Variants in AK9 observed in about 807,000 individuals in gnomAD.
AK9 encodes the protein adenylate kinase 9.
In AK9, 191 loss-of-function variants were observed where a neutral mutation model predicts 239.6. The ratio of observed to expected loss-of-function variants is 0.80; its 90% CI spans 0.71 to 0.90. The LOEUF (loss-of-function observed/expected upper bound fraction) is 0.90. Among genes scored for constraint, AK9 ranks in the 40% least tolerant of loss-of-function variants. AK9 has a pLI of 0.00. For synonymous variants in AK9, 689 were observed against 721.0 expected (o/e 0.96, Z 0.71); for missense variants, 1,995 against 2,214.7 (o/e 0.90, Z 1.99).
At position 109,493,501 on chromosome 6, in the gene AK9, A is replaced by G. The variant is rs900186003; in HGVS notation, c.5604T>C (p.Ser1868=). The G allele has an allele frequency of 6.2e-7, 1 of 1,613,838 alleles. No homozygotes were observed. The highest frequency in any genetic ancestry group is 8.5e-7 in the Non-Finnish European group (1 of 1,179,932). The change falls in exon 41 of 41, where the codon AGT becomes AGC. Residue 1868 remains serine, a synonymous_variant. Transcript: ENST00000424296. The part of the protein sequence containing the change: ...YKKKMEQFME[S]CELITYLGAK... ...CACCCAAGTATGTTATGAGTTCACA[A>G]CTCTCCATAAACTGCTCCATCTTCT... is the stretch of plus-strand genomic sequence containing the variant.
chr6:109,594,464 T>A (rs758313945), intron 17 of AK9, among the ~76,000 whole-genome samples: 1 of 152,180 alleles, frequency 6.6e-6, no homozygotes, highest in Non-Finnish European at 1.5e-5. Context: ...TTCAATGCTA[T>A]CCTCATCAAG....
intron 8 of AK9, among the ~76,000 whole-genome samples, chr6:109,649,735 T>C (rs1203104279): frequency 6.6e-6 from 1 of 152,134 alleles, no homozygotes; most frequent in East Asian, 1.9e-4. Flanking sequence ...AAAAAACTAC[T>C]TTAAAGTTCA....
At chr6:109,637,536 T>C (rs193297321) in intron 10 of AK9, among the ~76,000 whole-genome samples, 1 of 152,144 alleles carries the variant, frequency 6.6e-6, no homozygotes, top group African/African-American at 2.4e-5. Context: ...AAAGTTTTTT[T>C]GTATTTTTCT....
intron 29 of AK9, 192 bp downstream of exon 29, chr6:109,528,819 T>G (rs759807907): frequency 7.5e-5 from 67 of 890,626 alleles, no homozygotes; most frequent in Non-Finnish European, 9.2e-5. Context: ...GTTACAAGAG[T>G]GTCTTAAGCC....
At chr6:109,535,620 T>A (rs1015569129) in intron 27 of AK9, among the ~76,000 whole-genome samples, 1 of 152,226 alleles carries the variant, frequency 6.6e-6, no homozygotes, top group South Asian at 2.1e-4. Flanking sequence ...TTAGATCCCA[T>A]TTGTCAATTT....
chr6:109,619,054 C>T, intron 13 of AK9, 38 bp downstream of exon 13: 1 of 1,513,924 alleles, frequency 6.6e-7, no homozygotes, highest in Non-Finnish European at 8.8e-7. Context: ...TTAATTTTTA[C>T]CTAAACTTAA....
chr6:109,616,365 T>C (rs542654559), intron 13 of AK9, among the ~76,000 whole-genome samples: 1 of 152,254 alleles, frequency 6.6e-6, no homozygotes, highest in African/African-American at 2.4e-5. Context: ...TCTTGAAAGA[T>C]GCTGGCAATA....
intron 1 of AK9, among the ~76,000 whole-genome samples, chr6:109,679,268 G>C (rs1253969146): frequency 6.6e-6 from 1 of 152,242 alleles, no homozygotes; most frequent in East Asian, 1.9e-4. Flanking sequence ...AGCCTGGCTG[G>C]GGGAGGGGAG....
intron 10 of AK9, among the ~76,000 whole-genome samples, chr6:109,634,017 G>A (rs189149227): frequency 3.4e-4 from 52 of 152,152 alleles, no homozygotes; most frequent in African/African-American, 1.2e-3. Flanking sequence ...TTCCTTACCA[G>A]GGGATGAGAA....
intron 12 of AK9, among the ~76,000 whole-genome samples, chr6:109,631,489 T>C (rs1015870845): frequency 3.3e-5 from 5 of 152,200 alleles, no homozygotes; most frequent in Admixed American, 1.3e-4. Flanking sequence ...GATACTATTA[T>C]ACACTCACTA....
chr6:109,598,050 A>C (rs1304770044), intron 17 of AK9, among the ~76,000 whole-genome samples: 1 of 151,658 alleles, frequency 6.6e-6, no homozygotes, highest in Non-Finnish European at 1.5e-5. Context: ...CCTTTGTCTT[A>C]AATTTTTGAT....
At position 109,499,923 on chromosome 6, in the gene AK9, C is replaced by T. The variant is rs556796226; in HGVS notation, c.4850-683G>A. On this transcript the variant is annotated intron_variant, in intron 35 of 40. Transcript: ENST00000424296. ...GCCAATTTACCTAATTCTTTTTAATCGATGCATAGTATTCCACTGTATAAA... is the reference window on the plus strand; with the variant it reads ...GCCAATTTACCTAATTCTTTTTAATTGATGCATAGTATTCCACTGTATAAA... 7.5e-4 allele frequency among the ~76,000 whole-genome samples: 114 copies of T among 152,050 alleles called. 1 individual carries two copies. The highest frequency in any genetic ancestry group is 2.7e-3 in the African/African-American group (110 of 41,488).
chr6:109,497,785 C>T lies in AK9; in HGVS notation c.5216+11G>A. The stretch of plus-strand genomic sequence containing the variant: ...ATATCATTCTATACTTCCATGAAGG[C>T]CAGGACTTGCCTTTGGTTTCCATCC... On this transcript the variant is annotated intron_variant, in intron 37 of 40. Transcript: ENST00000424296. 1 of 1,609,348 alleles carries T rather than the reference C, an allele frequency of 6.2e-7. No individual in the cohort carries two copies. The highest frequency in any genetic ancestry group is 1.1e-5 in the South Asian group (1 of 90,954).
At chr6:109,521,816 C>T (rs563969673) in intron 29 of AK9, among the ~76,000 whole-genome samples, 8 of 152,168 alleles carry the variant, frequency 5.3e-5, no homozygotes, top group African/African-American at 1.9e-4. Flanking sequence ...AATCATGCTA[C>T]AATTACATTT....
chr6:109,639,713 A>C (rs1284063747), intron 10 of AK9, among the ~76,000 whole-genome samples: 1 of 152,190 alleles, frequency 6.6e-6, no homozygotes, highest in Non-Finnish European at 1.5e-5. Context: ...TTAGTCATGA[A>C]GTCCTTGCCC....
chr6:109,672,104 G>A lies in AK9; in HGVS notation c.234+11C>T. 2 of 1,613,202 alleles carry A rather than the reference G, an allele frequency of 1.2e-6. No homozygotes were observed. The highest frequency in any genetic ancestry group is 1.3e-5 in the African/African-American group (1 of 74,962). ...GTAATCATAGTTACTTTGAAATTTA[G>A]GTTTGTTTACCATAACTCCTGATTC... On this transcript the variant is annotated intron_variant, in intron 4 of 40. Coordinates refer to ENST00000424296, the MANE Select transcript of AK9 (RefSeq NM_001145128.3).
chr6:109,568,229 C>T (rs1329427539), intron 21 of AK9, among the ~76,000 whole-genome samples: 3 of 152,062 alleles, frequency 2.0e-5, no homozygotes, highest in Admixed American at 6.6e-5. Flanking sequence ...AATTCAACAG[C>T]GCTTCATGCT....
rs777922099 is a variant in AK9 at position 109,494,003 on chromosome 6, T to C, written c.5511A>G (p.Leu1837=). The change falls in exon 40 of 41, where the codon CTA becomes CTG. Residue 1837 remains leucine, a synonymous_variant. Transcript: ENST00000424296. ...PFLSIRRSAL[L]YIALHLKAFN... Reference sequence around the variant, plus strand: ...TACCTTTGAGATGAAGTGCTATATATAGCAGTGCAGATCTCCTTATACTTA... The same window carrying C: ...TACCTTTGAGATGAAGTGCTATATACAGCAGTGCAGATCTCCTTATACTTA... 3.7e-6 allele frequency: 6 copies of C among 1,612,290 alleles called. No homozygotes were observed. The highest frequency in any genetic ancestry group is 1.1e-5 in the South Asian group (1 of 91,012).
intron 10 of AK9, among the ~76,000 whole-genome samples, chr6:109,637,343 G>A (rs563093083): frequency 2.0e-5 from 3 of 152,062 alleles, no homozygotes; most frequent in African/African-American, 7.2e-5. Flanking sequence ...TCTGTGGGTT[G>A]TCTTTTTACT....
Sources: gnomAD v4.1 joint callset for allele counts (sites outside exome capture counted in the v4.1 genomes callset) on GRCh38, gnomAD v4.1.1 for gene constraint, MANE v1.5 for transcripts, NCBI Gene and HGNC (gene_info 2026-07-23, HGNC 2026-07-21) for gene names.